The following ANKRD33B variants were observed in gnomAD, a reference collection of about 807,000 sequenced individuals.
ANKRD33B encodes the protein ankyrin repeat domain-containing protein 33B.
In ANKRD33B, 6 loss-of-function variants were observed where a neutral mutation model predicts 21.5. That is an observed-to-expected ratio of 0.28 (90% CI 0.15 to 0.55). ANKRD33B has a LOEUF of 0.55. Ranked by LOEUF, ANKRD33B falls within the 20% of genes least tolerant of loss-of-function variation. The pLI, the probability that ANKRD33B is intolerant of heterozygous loss-of-function variation, is 0.94. For synonymous variants in ANKRD33B, 347 were observed against 342.4 expected (o/e 1.01, Z -0.15); for missense variants, 698 against 747.2 (o/e 0.93, Z 0.77).
intron 3 of ANKRD33B, among the ~76,000 whole-genome samples, chr5:10,640,792 A>C (rs996049978): frequency 6.6e-6 from 1 of 152,204 alleles, no homozygotes. Flanking sequence ...TAACTGTAGA[A>C]ATTTATTGCT....
Position 10,581,430 on chromosome 5 carries a change from G to C in ANKRD33B, c.366+16597G>C, listed in dbSNP as rs78051169. Reference sequence around the variant, plus strand: ...CCGTGGCTCCTAGGAACTGCTCTGCGTCTGGGATCCTCTACCCTGGATCCG... The same window carrying C: ...CCGTGGCTCCTAGGAACTGCTCTGCCTCTGGGATCCTCTACCCTGGATCCG... On this transcript the variant is annotated intron_variant, in intron 1 of 3. Transcript: ENST00000296657. Among the ~76,000 whole-genome samples the C allele has an allele frequency of 5.6e-4, 85 of 152,328 alleles. No homozygotes were observed. The Middle Eastern group carries it at 0.014, about 24-fold the overall frequency.
chr5:10,650,047 C>A lies in ANKRD33B; in HGVS notation c.1419C>A (p.Ala473=). 1 of 1,531,046 alleles carries A rather than the reference C, an allele frequency of 6.5e-7. No individual in the cohort carries two copies. Among genetic ancestry groups the A allele is most frequent in the Non-Finnish European group, 8.7e-7 (1 of 1,143,658 alleles). The allele number at this position is 1,531,046 out of a possible 1,614,324, so 94.8% of individuals were successfully genotyped here. Residue 473 remains alanine (A), a synonymous_variant, in exon 4 of 4, where the codon GCC becomes GCA. Coordinates refer to ENST00000296657, the MANE Select transcript of ANKRD33B (RefSeq NM_001164440.2). Reference sequence around the variant, plus strand: ...AGGAGAAGAGGAAGGCAGAGGAGGCCGAAAAGAAGCGCCAGGCCGAGGCGC... The same window carrying A: ...AGGAGAAGAGGAAGGCAGAGGAGGCAGAAAAGAAGCGCCAGGCCGAGGCGC... ...AKEEKRKAEE[A]EKKRQAEAQK...
At chr5:10,571,258 G>T (rs755341009) in intron 1 of ANKRD33B, among the ~76,000 whole-genome samples, 2 of 152,170 alleles carry the variant, frequency 1.3e-5, no homozygotes, top group Non-Finnish European at 2.9e-5. Context: ...CTGGAGTGCA[G>T]TGGTGCGATC....
intron 3 of ANKRD33B, among the ~76,000 whole-genome samples, chr5:10,640,594 C>T (rs1317604383): frequency 6.6e-6 from 1 of 152,228 alleles, no homozygotes; most frequent in Non-Finnish European, 1.5e-5. Context: ...TAGCAGCTGA[C>T]ATCTCAGTGA....
At chr5:10,638,611 G>T (rs905060342) in intron 3 of ANKRD33B, among the ~76,000 whole-genome samples, 2 of 152,252 alleles carry the variant, frequency 1.3e-5, no homozygotes, top group African/African-American at 4.8e-5. Context: ...GTAACGTTAG[G>T]AGGTGATGTG....
intron 3 of ANKRD33B, among the ~76,000 whole-genome samples, chr5:10,648,741 A>G (rs1439784900): frequency 6.6e-6 from 1 of 152,122 alleles, no homozygotes. Flanking sequence ...CCTGGGCAAC[A>G]AGAGTGAAAT....
intron 3 of ANKRD33B, among the ~76,000 whole-genome samples, chr5:10,643,840 AAG>A (rs1737128712): frequency 6.7e-6 from 1 of 149,370 alleles, no homozygotes; most frequent in Admixed American, 6.7e-5. Flanking sequence ...AAAAAAAAAA[AAG>A]AGAAGTGACA....
intron 1 of ANKRD33B, among the ~76,000 whole-genome samples, chr5:10,597,356 G>A (rs533910884): frequency 6.6e-6 from 1 of 152,136 alleles, no homozygotes; most frequent in African/African-American, 2.4e-5. Flanking sequence ...AATTTACCAA[G>A]CAAGGGGAAA....
At position 10,618,517 on chromosome 5, in the gene ANKRD33B, G is replaced by A. The variant is rs947921883; in HGVS notation, c.496+55G>A. 28 of 1,469,246 alleles carry A rather than the reference G, an allele frequency of 1.9e-5. No individual in the cohort carries two copies. The East Asian group carries it at 3.2e-4, about 17-fold the overall frequency. 91.0% of individuals were successfully genotyped at this position (1,469,246 alleles called of 1,614,324 possible). On this transcript the variant is annotated intron_variant, in intron 2 of 3. Transcript: ENST00000296657. The stretch of plus-strand genomic sequence containing the variant: ...GAGCCGTGGCCAGAGCACCGCCGCC[G>A]GGCAGCCCGGGCTCCCGTTGCGATG...
At chr5:10,632,392 G>A (rs1294703717) in intron 2 of ANKRD33B, among the ~76,000 whole-genome samples, 3 of 152,190 alleles carry the variant, frequency 2.0e-5, no homozygotes, top group Admixed American at 6.5e-5. Flanking sequence ...CTGAGAAGCC[G>A]GTCGGGCCCG....
At chr5:10,623,825 C>T (rs1736477415) in intron 2 of ANKRD33B, among the ~76,000 whole-genome samples, 2 of 152,194 alleles carry the variant, frequency 1.3e-5, no homozygotes, top group African/African-American at 4.8e-5. Flanking sequence ...CAGGAGGAGG[C>T]GGGCAGAGGC....
Position 10,649,643 on chromosome 5 carries a change from C to T in ANKRD33B, c.1015C>T (p.Arg339Trp), listed in dbSNP as rs768682574. 1.3e-6 allele frequency: 2 copies of T among 1,530,854 alleles called. No individual in the cohort carries two copies. The highest frequency in any genetic ancestry group is 1.7e-6 in the Non-Finnish European group (2 of 1,144,706). The allele number at this position is 1,530,854 out of a possible 1,614,324, so 94.8% of individuals were successfully genotyped here. The change falls in exon 4 of 4, where the codon CGG becomes TGG. Residue 339 changes from arginine (R) to tryptophan (W), a missense_variant. By Grantham distance (101) the Arg-to-Trp change is moderately radical (BLOSUM62 -3). Coordinates refer to ENST00000296657, the MANE Select transcript of ANKRD33B (RefSeq NM_001164440.2). ...GAGCCCTCCGAGCGTGGGGAAGAGG[C>T]GGCTGGCGGTGCAGGAGATCCTGGC... ...PESPPSVGKRRLAVQEILAAR... is the reference protein window; with the variant it reads ...PESPPSVGKRWLAVQEILAAR...
At chr5:10,635,780 C>A (rs549987746) in intron 2 of ANKRD33B, among the ~76,000 whole-genome samples, 3 of 152,218 alleles carry the variant, frequency 2.0e-5, no homozygotes, top group Non-Finnish European at 4.4e-5. Context: ...GGTTCCAACC[C>A]CGGCAGTACT....
At chr5:10,621,043 G>T (rs370029707) in intron 2 of ANKRD33B, among the ~76,000 whole-genome samples, 7 of 152,182 alleles carry the variant, frequency 4.6e-5, no homozygotes, top group African/African-American at 1.7e-4. Context: ...AAAATCTCGT[G>T]TGTTCTACTT....
chr5:10,587,594 A>T (rs796086023), intron 1 of ANKRD33B, among the ~76,000 whole-genome samples: 12 of 151,444 alleles, frequency 7.9e-5, no homozygotes, highest in African/African-American at 2.9e-4. Flanking sequence ...AGAGAAGTAC[A>T]AAGAAAAAAA....
chr5:10,564,895 C>A, intron 1 of ANKRD33B, 62 bp downstream of exon 1: 1 of 1,441,126 alleles, frequency 6.9e-7, no homozygotes, highest in Non-Finnish European at 9.1e-7. Context: ...TCCTCCCCAC[C>A]ACATCCCCGC....
rs1436392852 is a variant in ANKRD33B, at chr5:10,622,794, C to CTTTTTTTTTTT, written c.496+4335_496+4336insTTTTTTTTTTT. ...GATCCAGGGTTGTTTTTTGTTTTTG[C>CTTTTTTTTTTT]TTTATTTTATTTTATTTTTTTTTTT... On this transcript the variant is annotated intron_variant, in intron 2 of 3. Transcript: ENST00000296657. Among the ~76,000 whole-genome samples the CTTTTTTTTTTT allele has an allele frequency of 6.4e-5, 5 of 78,602 alleles. 1 individual carries two copies. Among genetic ancestry groups the CTTTTTTTTTTT allele is most frequent in the African/African-American group, 2.9e-4 (4 of 13,750 alleles). 51.6% of individuals were successfully genotyped at this position (78,602 alleles called of 152,430 possible).
At position 10,656,708 on chromosome 5, in the gene ANKRD33B, A is replaced by G. The variant is rs950248944; in HGVS notation, c.*6595A>G. On this transcript the variant is annotated 3_prime_UTR_variant, in exon 4 of 4. Coordinates refer to ENST00000296657, the MANE Select transcript of ANKRD33B (RefSeq NM_001164440.2). ...GAACCCATTTGGCCAGGTCTGGGCC[A>G]TCTCTCTGCCTCTGCCCTATCTTGG... The G allele has an allele frequency of 4.6e-5, 7 of 152,376 alleles. No homozygotes were observed. The highest frequency in any genetic ancestry group is 9.6e-5 in the African/African-American group (4 of 41,458). 9.4% of individuals were successfully genotyped at this position (152,376 alleles called of 1,614,324 possible). A position where few individuals can be genotyped will look rare whatever the true frequency, so the allele number is the denominator to read the frequency against.
chr5:10,568,165 T>G (rs1010596070), intron 1 of ANKRD33B, among the ~76,000 whole-genome samples: 6 of 152,228 alleles, frequency 3.9e-5, no homozygotes, highest in African/African-American at 1.2e-4. Flanking sequence ...TCTAAAATAT[T>G]TATTGCTCTA....
Sources: gnomAD v4.1 joint callset for allele counts (sites outside exome capture counted in the v4.1 genomes callset) on GRCh38, gnomAD v4.1.1 for gene constraint, MANE v1.5 for transcripts, NCBI Gene and HGNC (gene_info 2026-07-23, HGNC 2026-07-21) for gene names.